The following SPMIP7 variants were observed in gnomAD, a reference collection of about 807,000 sequenced individuals.
SPMIP7 encodes sperm microtubule inner protein 7.
At chr7:50,137,841 T>C in the SPMIP7 span, among the ~76,000 whole-genome samples, 5 of 152,210 alleles carry the variant, frequency 3.3e-5, no homozygotes, top group Non-Finnish European at 7.4e-5. Context: ...TCCCTTTTGC[T>C]GTTGGGTTTT....
the SPMIP7 span, among the ~76,000 whole-genome samples, chr7:50,115,481 C>T: frequency 2.0e-5 from 3 of 152,074 alleles, no homozygotes; most frequent in African/African-American, 7.2e-5. Context: ...CAATGGCACA[C>T]AGAACATTCA....
the SPMIP7 span, among the ~76,000 whole-genome samples, chr7:50,155,349 T>G: frequency 6.6e-6 from 1 of 152,206 alleles, no homozygotes; most frequent in South Asian, 2.1e-4. Flanking sequence ...GTAATATATA[T>G]TTACTTCATG....
At chr7:50,135,122 A>G in the SPMIP7 span, among the ~76,000 whole-genome samples, 3 of 152,080 alleles carry the variant, frequency 2.0e-5, no homozygotes, top group Non-Finnish European at 4.4e-5. Flanking sequence ...CACTGCCTTC[A>G]TCACTCTCCC....
chr7:50,121,320 C>T, the SPMIP7 span: 1 of 152,198 alleles, frequency 6.6e-6, no homozygotes, highest in Non-Finnish European at 1.5e-5. Flanking sequence ...ATGTAATAAA[C>T]TGTAATCTAA....
At chr7:50,156,945 C>T in the SPMIP7 span, among the ~76,000 whole-genome samples, 3 of 152,172 alleles carry the variant, frequency 2.0e-5, no homozygotes, top group African/African-American at 7.2e-5. Flanking sequence ...GCCTTCACTT[C>T]CTTCCTGCCC....
the SPMIP7 span, among the ~76,000 whole-genome samples, chr7:50,146,929 C>T: frequency 6.6e-6 from 1 of 152,226 alleles, no homozygotes; most frequent in Non-Finnish European, 1.5e-5. Flanking sequence ...CAAGGGAGTG[C>T]AGCTACCCTG....
chr7:50,118,257 C>A, the SPMIP7 span, among the ~76,000 whole-genome samples: 1 of 152,116 alleles, frequency 6.6e-6, no homozygotes, highest in Non-Finnish European at 1.5e-5. Context: ...CTTCCTGAGT[C>A]CTTGAAGCTT....
chr7:50,107,224 C>T, the SPMIP7 span, among the ~76,000 whole-genome samples: 7 of 151,712 alleles, frequency 4.6e-5, no homozygotes, highest in African/African-American at 1.7e-4. Context: ...GGTGTGGTGG[C>T]ACGTGTCTGT....
At chr7:50,155,595 C>A in the SPMIP7 span, among the ~76,000 whole-genome samples, 1 of 151,808 alleles carries the variant, frequency 6.6e-6, no homozygotes, top group Admixed American at 6.6e-5. Context: ...ATTGCTCTAA[C>A]ATATCTACAC....
the SPMIP7 span, chr7:50,096,398 G>T: frequency 1.9e-5 from 30 of 1,551,820 alleles, no homozygotes; most frequent in Middle Eastern, 1.7e-4. Context: ...GACCTTAGGT[G>T]ATTCCTGTTC....
At chr7:50,105,974 T>C in the SPMIP7 span, among the ~76,000 whole-genome samples, 2 of 152,192 alleles carry the variant, frequency 1.3e-5, no homozygotes, top group African/African-American at 4.8e-5. Context: ...GCTTTAACTA[T>C]TTTAAAACTA....
the SPMIP7 span, among the ~76,000 whole-genome samples, chr7:50,157,420 C>T: frequency 2.0e-5 from 3 of 152,148 alleles, no homozygotes; most frequent in Admixed American, 1.3e-4. Context: ...CCATTTCCAC[C>T]GCAGTCCAGT....
chr7:50,146,656 A>C, the SPMIP7 span, among the ~76,000 whole-genome samples: 4 of 152,200 alleles, frequency 2.6e-5, no homozygotes, highest in African/African-American at 9.7e-5. Flanking sequence ...CCCAACTCAC[A>C]ATGGACTCCT....
At chr7:50,125,930 T>C in the SPMIP7 span, among the ~76,000 whole-genome samples, 1 of 152,026 alleles carries the variant, frequency 6.6e-6, no homozygotes, top group Admixed American at 6.6e-5. Context: ...TACTGTATTT[T>C]TTACTTGAAA....
the SPMIP7 span, among the ~76,000 whole-genome samples, chr7:50,153,947 C>T: frequency 2.0e-5 from 3 of 152,296 alleles, no homozygotes; most frequent in Admixed American, 6.5e-5. Context: ...TTTATCAACA[C>T]GTCTCACTTT....
chr7:50,150,929 G>A, the SPMIP7 span, among the ~76,000 whole-genome samples: 14 of 152,284 alleles, frequency 9.2e-5, no homozygotes, highest in African/African-American at 3.4e-4. Flanking sequence ...AATTAATGCT[G>A]GTGTACGTTT....
At chr7:50,153,486 T>C in the SPMIP7 span, among the ~76,000 whole-genome samples, 4 of 152,302 alleles carry the variant, frequency 2.6e-5, no homozygotes, top group East Asian at 1.9e-4. Flanking sequence ...AAGAACTGCT[T>C]GCAAGGAGCT....
chr7:50,127,362 G>A, the SPMIP7 span, among the ~76,000 whole-genome samples: 1 of 151,732 alleles, frequency 6.6e-6, no homozygotes, highest in Non-Finnish European at 1.5e-5. Flanking sequence ...TATATTTTGT[G>A]TAAGACCTCA....
chr7:50,130,485 C>T, the SPMIP7 span, among the ~76,000 whole-genome samples: 1 of 151,912 alleles, frequency 6.6e-6, no homozygotes, highest in Non-Finnish European at 1.5e-5. Context: ...TCCACCTGGC[C>T]CCACCCTACA....
Sources: gnomAD v4.1 joint callset for allele counts (sites outside exome capture counted in the v4.1 genomes callset) on GRCh38, gnomAD v4.1.1 for gene constraint, MANE v1.5 for transcripts, NCBI Gene and HGNC (gene_info 2026-07-23, HGNC 2026-07-21) for gene names.